Variants in RTN4IP1 observed in about 807,000 individuals in gnomAD.
RTN4IP1 encodes NAD(P)H oxidoreductase RTN4IP1, mitochondrial.
In RTN4IP1, 32 loss-of-function variants were observed where a neutral mutation model predicts 46.6. That is an observed-to-expected ratio of 0.69 (90% confidence interval 0.52 to 0.92). The LOEUF (loss-of-function observed/expected upper bound fraction) is 0.92. Ranked by LOEUF, RTN4IP1 falls within the 40% of genes least tolerant of loss-of-function variation. RTN4IP1 has a pLI of 0.00. For synonymous variants in RTN4IP1, 167 were observed against 161.8 expected, an observed-to-expected ratio of 1.03 and a Z score of -0.24; for missense variants, 424 against 485.8, an observed-to-expected ratio of 0.87 and a Z score of 1.20.
intron 8 of RTN4IP1, among the ~76,000 whole-genome samples, chr6:106,577,047 CT>C (rs1477116242): frequency 2.4e-4 from 36 of 152,194 alleles, no homozygotes; most frequent in East Asian, 1.9e-4. Flanking sequence ...TGGCTGGCAT[CT>C]AAGATTTTGA....
At chr6:106,573,634 A>G (rs1775141742) in intron 8 of RTN4IP1, among the ~76,000 whole-genome samples, 1 of 152,220 alleles carries the variant, frequency 6.6e-6, no homozygotes, top group Non-Finnish European at 1.5e-5. Flanking sequence ...TTCCCATTTT[A>G]CAGATGAATA....
chr6:106,586,355 T>C (rs1481026872), intron 7 of RTN4IP1, among the ~76,000 whole-genome samples: 1 of 152,122 alleles, frequency 6.6e-6, no homozygotes, highest in Non-Finnish European at 1.5e-5. Context: ...TCTCAAGTAT[T>C]TTGCTTAATT....
At chr6:106,601,432 CT>C (rs1775946046) in intron 5 of RTN4IP1, among the ~76,000 whole-genome samples, 1 of 151,768 alleles carries the variant, frequency 6.6e-6, no homozygotes, top group Non-Finnish European at 1.5e-5. Flanking sequence ...GAATTTTTTT[CT>C]TTGGTTGCTT....
chr6:106,587,936 T>C lies in RTN4IP1; in HGVS notation c.807-74A>G, dbSNP rs367647510. ...GACTCTGATCCTCCTTCCCTTCCAG[T>C]ACCAGTTGGCTTAGGGTTTATTTCA... On this transcript the variant is annotated intron_variant, in intron 6 of 8. Transcript: ENST00000369063. 5.3e-6 allele frequency: 7 copies of C among 1,328,904 alleles called. No homozygotes were observed. In the African/African-American group the frequency reaches 1.0e-4, roughly 19 times the overall value. The allele number at this position is 1,328,904 out of a possible 1,614,324, so 82.3% of individuals were successfully genotyped here. A position where few individuals can be genotyped will look rare whatever the true frequency, so the allele number is the denominator to read the frequency against.
intron 4 of RTN4IP1, among the ~76,000 whole-genome samples, chr6:106,615,807 A>T (rs976819076): frequency 6.6e-5 from 10 of 152,224 alleles, no homozygotes; most frequent in Non-Finnish European, 1.5e-4. Context: ...TTTTAAAAAA[A>T]TTTCTACTTA....
chr6:106,574,490 G>A (rs1775170699), intron 8 of RTN4IP1, among the ~76,000 whole-genome samples: 1 of 151,732 alleles, frequency 6.6e-6, no homozygotes, highest in Non-Finnish European at 1.5e-5. Context: ...CATGAAACCT[G>A]AACCTATCAC....
intron 6 of RTN4IP1, 26 bp from the exon 7 acceptor site, chr6:106,587,888 C>A: frequency 6.3e-7 from 1 of 1,590,792 alleles, no homozygotes; most frequent in Admixed American, 1.7e-5. Context: ...CAAATCAAAA[C>A]ATGGTTGTCA....
chr6:106,598,781 T>A (rs1313704592), intron 5 of RTN4IP1, among the ~76,000 whole-genome samples: 1 of 151,380 alleles, frequency 6.6e-6, no homozygotes, highest in Non-Finnish European at 1.5e-5. Flanking sequence ...CATGCCTATG[T>A]CCTGAATGGT....
At chr6:106,622,673 G>A (rs1303349893) in intron 2 of RTN4IP1, 145 bp downstream of exon 2, 1 of 766,208 alleles carries the variant, frequency 1.3e-6, no homozygotes, top group Non-Finnish European at 2.0e-6. Flanking sequence ...CAGTTTAGGG[G>A]GCAGATGCTG....
intron 4 of RTN4IP1, among the ~76,000 whole-genome samples, chr6:106,604,130 T>C (rs1212147118): frequency 6.6e-6 from 1 of 152,186 alleles, no homozygotes; most frequent in African/African-American, 2.4e-5. Context: ...GTACACCAAA[T>C]CTTGGAACAC....
intron 8 of RTN4IP1, among the ~76,000 whole-genome samples, chr6:106,582,337 T>C (rs1775391130): frequency 6.6e-6 from 1 of 152,180 alleles, no homozygotes; most frequent in Admixed American, 6.5e-5. Context: ...ATGCTAATGC[T>C]AGCCTGCTCT....
At chr6:106,583,924 T>A (rs1775425046) in intron 7 of RTN4IP1, among the ~76,000 whole-genome samples, 1 of 152,116 alleles carries the variant, frequency 6.6e-6, no homozygotes, top group Non-Finnish European at 1.5e-5. Flanking sequence ...AGGAATAAAG[T>A]GGCTTTAAAG....
At chr6:106,582,544 C>A (rs1225418289) in intron 8 of RTN4IP1, among the ~76,000 whole-genome samples, 1 of 152,166 alleles carries the variant, frequency 6.6e-6, no homozygotes, top group East Asian at 1.9e-4. Flanking sequence ...ATGAGAATCA[C>A]CCTATCTATG....
chr6:106,580,722 G>GAA (rs559035213), intron 8 of RTN4IP1, among the ~76,000 whole-genome samples: 19 of 89,666 alleles, frequency 2.1e-4, no homozygotes, highest in African/African-American at 4.5e-4. Flanking sequence ...CTGTCTCAAA[G>GAA]AAAAAAAAAA....
intron 7 of RTN4IP1, among the ~76,000 whole-genome samples, chr6:106,584,100 T>C (rs1252574255): frequency 6.6e-6 from 1 of 152,172 alleles, no homozygotes; most frequent in Non-Finnish European, 1.5e-5. Flanking sequence ...CACTTATAAA[T>C]GTTATTCTTT....
chr6:106,594,548 CA>C (rs1383031725), intron 5 of RTN4IP1, among the ~76,000 whole-genome samples: 1 of 151,786 alleles, frequency 6.6e-6, no homozygotes, highest in Non-Finnish European at 1.5e-5. Context: ...AGAAAGAAAA[CA>C]GCTATAGGGT....
At chr6:106,597,755 T>A (rs1310097501) in intron 5 of RTN4IP1, among the ~76,000 whole-genome samples, 2 of 151,898 alleles carry the variant, frequency 1.3e-5, no homozygotes, top group East Asian at 1.9e-4. Context: ...GCAGGTTAGT[T>A]ACATATGTAT....
intron 8 of RTN4IP1, among the ~76,000 whole-genome samples, chr6:106,580,762 T>C (rs1206685087): frequency 6.6e-6 from 1 of 151,554 alleles, no homozygotes; most frequent in Non-Finnish European, 1.5e-5. Context: ...AATGCATATC[T>C]CTTTTGACTC....
At chr6:106,629,570 A>C, upstream of RTN4IP1, 1 of 1,349,116 alleles carries the variant, frequency 7.4e-7, no homozygotes, top group Non-Finnish European at 1.0e-6. Flanking sequence ...CTCGGTGTTG[A>C]AGGGCTCAGT....
Sources: gnomAD v4.1 joint callset for allele counts (sites outside exome capture counted in the v4.1 genomes callset) on GRCh38, gnomAD v4.1.1 for gene constraint, MANE v1.5 for transcripts, NCBI Gene and HGNC (gene_info 2026-07-23, HGNC 2026-07-21) for gene names.